Variants in CNNM1 observed in about 807,000 individuals in gnomAD.
The protein encoded by CNNM1 is metal transporter CNNM1.
Under a neutral mutation model 78.8 loss-of-function variants are expected in CNNM1, and 44 were observed. The ratio of observed to expected loss-of-function variants is 0.56; its 90% CI spans 0.44 to 0.72. CNNM1 has a LOEUF of 0.72. Ranked by LOEUF, CNNM1 falls within the 30% of genes least tolerant of loss-of-function variation. CNNM1 has a pLI of 0.00. For synonymous variants in CNNM1, 584 were observed against 581.5 expected, an observed-to-expected ratio of 1.00 and a Z score of -0.06; for missense variants, 1,101 against 1,292.2, an observed-to-expected ratio of 0.85 and a Z score of 2.27.
intron 1 of CNNM1, among the ~76,000 whole-genome samples, chr10:99,355,759 T>C (rs997354880): frequency 3.4e-4 from 52 of 152,210 alleles, no homozygotes; most frequent in Non-Finnish European, 6.8e-4. Context: ...CTGTTATCTG[T>C]AAAATGTGGA....
chr10:99,379,647 T>A (rs2032078739), intron 7 of CNNM1, among the ~76,000 whole-genome samples: 1 of 151,136 alleles, frequency 6.6e-6, no homozygotes. Context: ...GGGATTTTTT[T>A]TTTTTTTTTT....
At position 99,391,444 on chromosome 10, in the gene CNNM1, A is replaced by G. The variant is rs138304224; in HGVS notation, c.2784A>G (p.Gln928=). 76 of 1,613,772 alleles carry G rather than the reference A, an allele frequency of 4.7e-5. No individual in the cohort carries two copies. The African/African-American group carries it at 8.9e-4, about 19-fold the overall frequency. ...GCAACTTGTTTTTTTCAGGTGGCCA[A>G]AAAAGGAAGAGGTCACCAGAAGGAG... The part of the protein sequence containing the change: ...GKKLLRTLSG[Q]KRKRSPEGER... The change falls in exon 11 of 11, where the codon CAA becomes CAG. Residue 928 remains glutamine (Q), a synonymous_variant. Coordinates refer to ENST00000356713, the MANE Select transcript of CNNM1 (RefSeq NM_020348.3).
chr10:99,388,955 G>C (rs1469719911), intron 9 of CNNM1, among the ~76,000 whole-genome samples: 5 of 152,104 alleles, frequency 3.3e-5, no homozygotes, highest in Admixed American at 6.5e-5. Flanking sequence ...CAGCAGTCTT[G>C]AGAAGCTTCT....
In CNNM1 at chr10:99,388,171, G is replaced by A. The variant is rs768859756; in HGVS notation, c.2544G>A (p.Leu848=). The A allele has an allele frequency of 4.3e-6, 7 of 1,613,604 alleles. No individual in the cohort carries two copies. The highest frequency in any genetic ancestry group is 5.9e-6 in the Non-Finnish European group (7 of 1,179,834). Reference sequence around the variant, plus strand: ...CCCCAGGCAGCCGCTCAGACGGGCTGAGAAGCCCCAGCGAGGTAGTGTACC... The same window carrying A: ...CCCCAGGCAGCCGCTCAGACGGGCTAAGAAGCCCCAGCGAGGTAGTGTACC... ...NSLPCSRSDG[L]RSPSEVVYLR... The change falls in exon 9 of 11, where the codon CTG becomes CTA. Residue 848 remains leucine, a synonymous_variant. Coordinates refer to ENST00000356713, the MANE Select transcript of CNNM1 (RefSeq NM_020348.3).
At chr10:99,371,766 G>C (rs1220949095) in intron 6 of CNNM1, among the ~76,000 whole-genome samples, 1 of 152,090 alleles carries the variant, frequency 6.6e-6, no homozygotes, top group East Asian at 1.9e-4. Flanking sequence ...GCTGGCTTTG[G>C]TGTTCGGTTG....
intron 1 of CNNM1, among the ~76,000 whole-genome samples, chr10:99,356,518 A>G (rs1221184250): frequency 6.3e-5 from 8 of 127,072 alleles, no homozygotes; most frequent in African/African-American, 2.2e-4. Context: ...GAGAAAGAGA[A>G]AGAGAGAAAG....
intron 1 of CNNM1, among the ~76,000 whole-genome samples, chr10:99,356,915 T>C (rs964217111): frequency 6.6e-6 from 1 of 152,234 alleles, no homozygotes; most frequent in Non-Finnish European, 1.5e-5. Flanking sequence ...TCAGAAGTCC[T>C]ATAATGAACA....
chr10:99,386,679 T>C (rs2032316141), intron 7 of CNNM1, among the ~76,000 whole-genome samples: 1 of 152,344 alleles, frequency 6.6e-6, no homozygotes, highest in African/African-American at 2.4e-5. Flanking sequence ...ATAATGCGTC[T>C]TGTCAGTAGT....
rs1443904525 is a variant in CNNM1 at position 99,353,278 on chromosome 10, C to T, written c.1574-4234C>T. 2.0e-5 allele frequency among the ~76,000 whole-genome samples: 3 copies of T among 152,116 alleles called. No homozygotes were observed. In the South Asian group the frequency reaches 6.3e-4, roughly 32 times the overall value. ...ACAGAAGTAAATAGGATGTAGCATA[C>T]CTGTTGCCTCTCAGGGAGATTACCC... On this transcript the variant is annotated intron_variant, in intron 1 of 10. Transcript: ENST00000356713.
intron 1 of CNNM1, 33 bp from the exon 2 acceptor site, chr10:99,357,479 C>T (rs748143819): frequency 6.0e-5 from 95 of 1,594,656 alleles, no homozygotes; most frequent in East Asian, 1.8e-4. Flanking sequence ...AAAATGTCCC[C>T]GATACTTAAC....
intron 4 of CNNM1, among the ~76,000 whole-genome samples, chr10:99,363,740 C>CTTTTTTT (rs869281521): frequency 5.7e-5 from 7 of 121,928 alleles, no homozygotes; most frequent in Non-Finnish European, 8.4e-5. Context: ...TAGATTTTAT[C>CTTTTTTT]TTTTTTTTTT....
chr10:99,376,269 C>G (rs2031959424), intron 6 of CNNM1, among the ~76,000 whole-genome samples: 1 of 152,198 alleles, frequency 6.6e-6, no homozygotes, highest in Non-Finnish European at 1.5e-5. Context: ...TCCTAAGGGA[C>G]CAGGGGTCCA....
intron 1 of CNNM1, among the ~76,000 whole-genome samples, chr10:99,351,082 A>G (rs899750192): frequency 1.3e-5 from 2 of 152,220 alleles, no homozygotes; most frequent in Admixed American, 6.5e-5. Context: ...TCTGACTTGT[A>G]GTTTGGGTAT....
intron 1 of CNNM1, among the ~76,000 whole-genome samples, chr10:99,352,617 A>G (rs1364894817): frequency 2.0e-5 from 3 of 152,236 alleles, no homozygotes; most frequent in Non-Finnish European, 2.9e-5. Flanking sequence ...CATGATGACA[A>G]TGTTAAGCAT....
At chr10:99,344,708 C>T (rs891013727) in intron 1 of CNNM1, among the ~76,000 whole-genome samples, 2 of 152,144 alleles carry the variant, frequency 1.3e-5, no homozygotes, top group Admixed American at 6.5e-5. Flanking sequence ...ATAAAAAAAC[C>T]TGACCATTTA....
chr10:99,368,827 C>G (rs2031713698), intron 6 of CNNM1: 2 of 425,338 alleles, frequency 4.7e-6, no homozygotes, highest in Admixed American at 6.1e-5. Flanking sequence ...AAATAGCACT[C>G]ATTTGCACAT....
intron 1 of CNNM1, among the ~76,000 whole-genome samples, chr10:99,345,621 G>T (rs972141821): frequency 7.2e-5 from 11 of 152,170 alleles, no homozygotes; most frequent in African/African-American, 2.7e-4. Flanking sequence ...TTTTTAAGCA[G>T]GGGATTCTGG....
At chr10:99,368,572 A>G in intron 6 of CNNM1, 1 of 1,214,682 alleles carries the variant, frequency 8.2e-7, no homozygotes, top group South Asian at 1.3e-5. Flanking sequence ...TTGTGTTTAT[A>G]TCTTCCCTTT....
intron 1 of CNNM1, among the ~76,000 whole-genome samples, chr10:99,346,973 A>G (rs953396360): frequency 3.3e-5 from 5 of 152,124 alleles, no homozygotes; most frequent in Non-Finnish European, 7.4e-5. Context: ...CAAATACCGC[A>G]TGCTCTCACT....
Sources: allele counts gnomAD v4.1 joint callset (sites outside exome capture counted in the v4.1 genomes callset), GRCh38; gene constraint gnomAD v4.1.1; transcripts MANE v1.5; gene names NCBI Gene and HGNC (gene_info 2026-07-23, HGNC 2026-07-21).